The following MUC12 variants were observed in gnomAD, a reference collection of about 807,000 sequenced individuals.
MUC12 encodes mucin 12, cell surface associated.
A neutral mutation model predicts 230.8 loss-of-function variants in MUC12; 172 were observed. The ratio of observed to expected loss-of-function variants is 0.75; its 90% CI spans 0.66 to 0.85. The LOEUF is 0.85. Among genes scored for constraint, MUC12 ranks in the 40% least tolerant of loss-of-function variants. The pLI is 0.00. For synonymous variants in MUC12, 1,259 were observed against 2,401.9 expected, an observed-to-expected ratio of 0.52 and a Z score of 13.91; for missense variants, 3,506 against 5,920.6, an observed-to-expected ratio of 0.59 and a Z score of 13.38.
In MUC12 at chr7:100,991,158, A is replaced by T; in HGVS notation, c.595A>T (p.Ile199Phe). The stretch of plus-strand genomic sequence containing the variant: ...TCAGGAATCTACAGCTTCCCACAGC[A>T]TCCCCGGCTCCACAGACACAACACT... ...VSQESTASHS[I>F]PGSTDTTLSP... Residue 199 changes from isoleucine (I) to phenylalanine (F), a missense_variant, in exon 2 of 12, where the codon ATC (isoleucine) becomes TTC (phenylalanine). Physicochemically the swap from Ile to Phe is conservative, Grantham distance 21. Transcript: ENST00000536621. 2 of 1,537,650 alleles carry T rather than the reference A, an allele frequency of 1.3e-6. No homozygotes were observed.
At chr7:100,983,615 C>T (rs936483971) in intron 1 of MUC12, among the ~76,000 whole-genome samples, 29 of 152,136 alleles carry the variant, frequency 1.9e-4, no homozygotes, top group African/African-American at 6.8e-4. Flanking sequence ...ACGGAGTTCA[C>T]AGCCTACAAG....
rs10249343 is a variant in MUC12, at chr7:100,995,465, T to G, written c.4902T>G (p.Thr1634=). The change falls in exon 2 of 12, where the codon ACT becomes ACG. Residue 1634 remains threonine, a synonymous_variant. Transcript: ENST00000536621. ...TASSLGPEST[T]FHSSPGSTET... ...CATCCCTTGGTCCAGAATCTACTAC[T>G]TTCCACAGCAGCCCAGGCTCCACTG... The G allele has an allele frequency of 1.2e-3, 1,832 of 1,474,432 alleles. 115 individuals carry two copies. In the African/African-American group the frequency reaches 0.023, roughly 18 times the overall value. 91.3% of individuals were successfully genotyped at this position (1,474,432 alleles called of 1,614,324 possible). A position where few individuals can be genotyped will look rare whatever the true frequency, so the allele number is the denominator to read the frequency against.
chr7:100,989,101 T>TC (rs199669388), intron 1 of MUC12, among the ~76,000 whole-genome samples: 2,219 of 104,336 alleles, frequency 0.021, 21 homozygotes, highest in Middle Eastern at 0.071. Context: ...CTCTTCTTCT[T>TC]TTTTTTTTTT....
At chr7:100,980,545 G>A (rs928895805) in intron 1 of MUC12, among the ~76,000 whole-genome samples, 6 of 152,096 alleles carry the variant, frequency 3.9e-5, no homozygotes, top group Admixed American at 6.6e-5. Context: ...AATAAGTAAC[G>A]AGGCAATAAA....
intron 1 of MUC12, among the ~76,000 whole-genome samples, chr7:100,978,581 C>T (rs1364063217): frequency 6.6e-6 from 1 of 152,120 alleles, no homozygotes; most frequent in Admixed American, 6.5e-5. Flanking sequence ...CTCCACACCC[C>T]GTGGGGGCTC....
In MUC12 at chr7:101,004,440, G is replaced by T; in HGVS notation, c.13877G>T (p.Arg4626Leu). The change falls in exon 2 of 12, where the codon CGT becomes CTT. Residue 4626 changes from arginine (R) to leucine (L), a missense_variant. By Grantham distance (102) the Arg-to-Leu change is moderately radical. Transcript: ENST00000536621. ...CCTGAAAGCTCCACAGCTTCAGGTC[G>T]TAGTGAAGAATCAAGAACTTCCCAC... ...HFPESSTASG[R>L]SEESRTSHSS... 6.6e-7 allele frequency: 1 copy of T among 1,522,026 alleles called. No individual in the cohort carries two copies. 94.3% of individuals were successfully genotyped at this position (1,522,026 alleles called of 1,614,324 possible).
intron 1 of MUC12, among the ~76,000 whole-genome samples, chr7:100,977,873 T>C (rs188973933): frequency 6.6e-6 from 1 of 152,184 alleles, no homozygotes; most frequent in East Asian, 1.9e-4. Flanking sequence ...TGGCCAGCCT[T>C]TTCTAGCTCC....
At chr7:100,979,359 C>G (rs1197525902) in intron 1 of MUC12, among the ~76,000 whole-genome samples, 1 of 151,816 alleles carries the variant, frequency 6.6e-6, no homozygotes, top group African/African-American at 2.4e-5. Flanking sequence ...CTGGGGAGTG[C>G]CAGCTTGGAA....
chr7:100,988,288 A>AG (rs1304650696), intron 1 of MUC12, among the ~76,000 whole-genome samples: 6 of 123,216 alleles, frequency 4.9e-5, no homozygotes, highest in African/African-American at 2.0e-4. Flanking sequence ...AGGCTGTCCC[A>AG]GAAAAAAAAA....
chr7:100,985,428 G>A (rs1385219728), intron 1 of MUC12, among the ~76,000 whole-genome samples: 1 of 152,198 alleles, frequency 6.6e-6, no homozygotes, highest in East Asian at 1.9e-4. Flanking sequence ...GCCTCCAGCT[G>A]CATGGCTCCT....
At chr7:101,009,542 C>T (rs1214150506) in intron 5 of MUC12, among the ~76,000 whole-genome samples, 1 of 152,172 alleles carries the variant, frequency 6.6e-6, no homozygotes, top group Non-Finnish European at 1.5e-5. Context: ...CCTGGAAAAA[C>T]TGGCAACAGG....
chr7:101,004,791 G>A lies in MUC12; in HGVS notation c.14228G>A (p.Ser4743Asn). Residue 4743 changes from serine (S) to asparagine (N), a missense_variant, in exon 2 of 12, where the codon AGT (serine) becomes AAT (asparagine). Physicochemically the swap from Ser to Asn is conservative, Grantham distance 46. Transcript: ENST00000536621. ...GLSAKSTILY[S>N]SSRSPDQTLS... ...AGTGCAAAATCTACCATCCTTTACA[G>A]TAGCTCCAGATCACCAGACCAAACA... is the stretch of plus-strand genomic sequence containing the variant. 1 of 1,537,718 alleles carries A rather than the reference G, an allele frequency of 6.5e-7. No individual in the cohort carries two copies. Among genetic ancestry groups the A allele is most frequent in the Non-Finnish European group, 8.7e-7 (1 of 1,147,044 alleles).
chr7:100,976,653 C>CT (rs566675588), intron 1 of MUC12, among the ~76,000 whole-genome samples: 258 of 151,780 alleles, frequency 1.7e-3, no homozygotes, highest in Non-Finnish European at 2.7e-3. Context: ...GTGCTGGACA[C>CT]TTTTATAATA....
intron 10 of MUC12, chr7:101,017,314 C>T: frequency 2.2e-6 from 1 of 448,560 alleles, no homozygotes; most frequent in Admixed American, 3.9e-5. Flanking sequence ...CACGCTCCTC[C>T]GTGGCCCCCG....
At chr7:100,990,446 A>G (rs1475133143) in intron 1 of MUC12, 185 bp from the exon 2 acceptor site, 3 of 700,448 alleles carry the variant, frequency 4.3e-6, no homozygotes, top group East Asian at 2.7e-5. Flanking sequence ...TACACCATCA[A>G]TAAAATTTCT....
Position 100,992,529 on chromosome 7 carries a change from G to A in MUC12, c.1966G>A (p.Glu656Lys), listed in dbSNP as rs2116308088. The A allele has an allele frequency of 2.0e-6, 3 of 1,537,942 alleles. No homozygotes were observed. The highest frequency in any genetic ancestry group is 2.6e-6 in the Non-Finnish European group (3 of 1,147,082). The change falls in exon 2 of 12, where the codon GAG becomes AAG. Residue 656 changes from glutamate (E) to lysine (K), a missense_variant. Physicochemically the swap from Glu to Lys is moderately conservative, Grantham distance 56 (BLOSUM62 1). Coordinates refer to ENST00000536621, the MANE Select transcript of MUC12 (RefSeq NM_001164462.2). The stretch of plus-strand genomic sequence containing the variant: ...TCCTACTACCACATCAGCCTTTGTT[G>A]AGCCATCTACAACCTCCCACGGCAG... ...APPTTTSAFVEPSTTSHGSPS... is the reference protein window; with the variant it reads ...APPTTTSAFVKPSTTSHGSPS...
rs368086292 is a variant in MUC12 at position 101,017,002 on chromosome 7, AC to A, written c.15878-564del. ...GAGAAGTGAGGAGGGTGAAAGGAGA[AC>A]CCCCCCCCAGGAGCCCCCGTAGAAG... On this transcript the variant is annotated intron_variant, in intron 10 of 11. Coordinates refer to ENST00000536621, the MANE Select transcript of MUC12 (RefSeq NM_001164462.2). The A allele has an allele frequency of 5.2e-4, 76 of 145,980 alleles. 1 individual carries two copies. The highest frequency in any genetic ancestry group is 2.4e-3 in the South Asian group (11 of 4,496). The allele number at this position is 145,980 out of a possible 1,614,324, so 9.0% of individuals were successfully genotyped here.
At position 101,017,616 on chromosome 7, in the gene MUC12, TACA is replaced by T. The variant is rs1402367666; in HGVS notation, c.15925_15927del (p.Asn5309del). The T allele has an allele frequency of 4.6e-6, 7 of 1,535,694 alleles. No individual in the cohort carries two copies. Among genetic ancestry groups the T allele is most frequent in the East Asian group, 2.4e-5 (1 of 40,876 alleles). On this transcript the variant is annotated inframe_deletion, in exon 11 of 12. Transcript: ENST00000536621. Reference sequence around the variant, plus strand: ...GAGCAGATTCGGCCTTGAGAACGCCTACAACAACTTCCGGCCCACCCTGGAGAC... The same window carrying T: ...GAGCAGATTCGGCCTTGAGAACGCCTACAACTTCCGGCCCACCCTGGAGAC...
At position 100,995,529 on chromosome 7, in the gene MUC12, C is replaced by G. The variant is rs1168001283; in HGVS notation, c.4966C>G (p.Leu1656Val). ...ACCTGACAACACCACAGCCTCAGGC[C>G]TCCTTGAAGCATCTACGCCCGTCCA... is the stretch of plus-strand genomic sequence containing the variant. ...LLPDNTTASG[L>V]LEASTPVHSS... The change falls in exon 2 of 12, where the codon CTC (leucine) becomes GTC (valine). Residue 1656 changes from leucine (L) to valine (V), a missense_variant. Leu to Val is a conservative substitution (Grantham distance 32, BLOSUM62 1). Coordinates refer to ENST00000536621, the MANE Select transcript of MUC12 (RefSeq NM_001164462.2). 3.3e-6 allele frequency: 5 copies of G among 1,536,278 alleles called. No homozygotes were observed. The highest frequency in any genetic ancestry group is 3.9e-5 in the Admixed American group (2 of 50,916).
Sources: gnomAD v4.1 joint callset for allele counts (sites outside exome capture counted in the v4.1 genomes callset) on GRCh38, gnomAD v4.1.1 for gene constraint, MANE v1.5 for transcripts, NCBI Gene and HGNC (gene_info 2026-07-23, HGNC 2026-07-21) for gene names.